Variants in ZDHHC18 observed in about 807,000 individuals in gnomAD.
The protein encoded by ZDHHC18 is palmitoyltransferase ZDHHC18.
A neutral mutation model predicts 37.5 loss-of-function variants in ZDHHC18; 23 were observed. That is an observed-to-expected ratio of 0.61 (90% CI 0.44 to 0.87). The LOEUF is 0.87. Among genes scored for constraint, ZDHHC18 ranks in the 40% least tolerant of loss-of-function variants. The probability of loss-of-function intolerance (pLI) is 0.00; values close to 1 mark genes in which losing one functional copy is unlikely to be tolerated. For synonymous variants in ZDHHC18, 185 were observed against 218.7 expected (o/e 0.85, Z 1.36); for missense variants, 406 against 525.6 (o/e 0.77, Z 2.22).
At chr1:26,852,988 G>A in intron 7 of ZDHHC18, 123 bp downstream of exon 7, 1 of 743,922 alleles carries the variant, frequency 1.3e-6, no homozygotes, top group Non-Finnish European at 2.2e-6. Context: ...ACCCCCTGGA[G>A]GGCATTTGTC....
chr1:26,851,425 A>G (rs2081703631), intron 6 of ZDHHC18, among the ~76,000 whole-genome samples, 194 bp downstream of exon 6: 1 of 151,976 alleles, frequency 6.6e-6, no homozygotes. Context: ...ACACCTCCAC[A>G]TGCTTCATTC....
chr1:26,832,607 G>A lies in ZDHHC18; in HGVS notation c.496G>A (p.Asp166Asn), dbSNP rs961056830. ...AGCAGCCGCCCTGGAGAAACAGATC[G>A]GTGAGGTTTCTACTCCCAGCTGAAG... ...CEAAALEKQI[D>N]NTGSSTYRPP... The change falls in exon 2 of 8, where the codon GAC (aspartate) becomes AAC (asparagine). Residue 166 changes from aspartate to asparagine, a missense_variant and splice_region_variant. Physicochemically the swap from Asp to Asn is conservative, Grantham distance 23. Transcript: ENST00000374142. 2.5e-6 allele frequency: 4 copies of A among 1,613,916 alleles called. No homozygotes were observed. Among genetic ancestry groups the A allele is most frequent in the Non-Finnish European group, 3.4e-6 (4 of 1,179,822 alleles).
At chr1:26,835,569 C>G (rs190878179) in intron 2 of ZDHHC18, among the ~76,000 whole-genome samples, 3 of 152,064 alleles carry the variant, frequency 2.0e-5, no homozygotes, top group Non-Finnish European at 4.4e-5. Flanking sequence ...GGCATGGTGG[C>G]GTGTGCCTGT....
chr1:26,844,080 C>T (rs957168817), intron 2 of ZDHHC18, among the ~76,000 whole-genome samples: 6 of 152,108 alleles, frequency 3.9e-5, no homozygotes, highest in Non-Finnish European at 7.4e-5. Flanking sequence ...CGCTCTGTCA[C>T]CCAGACTGGA....
chr1:26,831,200 G>A (rs1010806039), intron 1 of ZDHHC18, among the ~76,000 whole-genome samples: 2 of 152,214 alleles, frequency 1.3e-5, no homozygotes, highest in East Asian at 3.8e-4. Flanking sequence ...AGTTGTCAAG[G>A]TAGGTCCTTC....
intron 2 of ZDHHC18, among the ~76,000 whole-genome samples, chr1:26,844,108 C>A (rs2081651879): frequency 6.6e-6 from 1 of 152,104 alleles, no homozygotes; most frequent in Non-Finnish European, 1.5e-5. Flanking sequence ...GGCGTGATTT[C>A]AGCTCACTGC....
chr1:26,826,860 C>A lies in ZDHHC18; in HGVS notation c.56C>A (p.Ser19Tyr). ...ISPGAAPLPASPGARRPGPAA... is the reference protein window; with the variant it reads ...ISPGAAPLPAYPGARRPGPAA... ...CCCGGGGCCGCCCCGCTGCCCGCCT[C>A]CCCGGGGGCGCGCCGTCCCGGCCCC... is the stretch of plus-strand genomic sequence containing the variant. Residue 19 changes from serine (S) to tyrosine (Y), a missense_variant, in exon 1 of 8, where the codon TCC (serine) becomes TAC (tyrosine). Ser to Tyr is a moderately radical substitution (Grantham distance 144). Coordinates refer to ENST00000374142, the MANE Select transcript of ZDHHC18 (RefSeq NM_032283.3). This position sits in a 1 kb window ranked among gnomAD's most constrained non-coding sequence, Gnocchi z 5.2. The A allele has an allele frequency of 1.0e-6, 1 of 980,188 alleles. No individual in the cohort carries two copies. Among genetic ancestry groups the A allele is most frequent in the South Asian group, 4.5e-5 (1 of 22,092 alleles). 60.7% of individuals were successfully genotyped at this position (980,188 alleles called of 1,614,324 possible). A position where few individuals can be genotyped will look rare whatever the true frequency, so the allele number is the denominator to read the frequency against.
Position 26,856,502 on chromosome 1 carries a change from A to C in ZDHHC18, c.*2659A>C, listed in dbSNP as rs2081734984. 4.5e-6 allele frequency: 1 copy of C among 223,240 alleles called. No homozygotes were observed. Among genetic ancestry groups the C allele is most frequent in the Non-Finnish European group, 9.8e-6 (1 of 101,812 alleles). 13.8% of individuals were successfully genotyped at this position (223,240 alleles called of 1,614,324 possible). A position where few individuals can be genotyped will look rare whatever the true frequency, so the allele number is the denominator to read the frequency against. On this transcript the variant is annotated 3_prime_UTR_variant, in exon 8 of 8. Coordinates refer to ENST00000374142, the MANE Select transcript of ZDHHC18 (RefSeq NM_032283.3). The surrounding 1 kb of genome is among the most constrained non-coding windows in gnomAD (Gnocchi z 5.2). Reference sequence around the variant, plus strand: ...CTGAGGAAGTAGCTTCTCGCAGAGCAGCTCTCCAGCTGGAAGAGGAGGTGG... The same window carrying C: ...CTGAGGAAGTAGCTTCTCGCAGAGCCGCTCTCCAGCTGGAAGAGGAGGTGG...
intron 1 of ZDHHC18, among the ~76,000 whole-genome samples, chr1:26,828,541 G>A (rs900050487): frequency 5.3e-5 from 8 of 152,008 alleles, no homozygotes; most frequent in Admixed American, 5.2e-4. Context: ...CACTTCCCAA[G>A]GGCATGTGGC....
chr1:26,843,474 G>A (rs2081648544), intron 2 of ZDHHC18, among the ~76,000 whole-genome samples: 1 of 150,596 alleles, frequency 6.6e-6, no homozygotes, highest in African/African-American at 2.4e-5. Flanking sequence ...TTTTATGGAA[G>A]TATAATGGGC....
chr1:26,830,472 GTAGTACAGTAACTATCTGTAGA>G lies in ZDHHC18; in HGVS notation c.336-1957_336-1936del, dbSNP rs909425413. 9.9e-5 allele frequency among the ~76,000 whole-genome samples: 15 copies of G among 151,884 alleles called. No homozygotes were observed. In the South Asian group the frequency reaches 1.0e-3, roughly 10 times the overall value. Reference sequence around the variant, plus strand: ...CTGGTACCTGGCCCATCCAGGTACAGTAGTACAGTAACTATCTGTAGATAGTACAGTAACTATCTACATAGTA... The same window carrying G: ...CTGGTACCTGGCCCATCCAGGTACAGTAGTACAGTAACTATCTACATAGTA... On this transcript the variant is annotated intron_variant, in intron 1 of 7. Transcript: ENST00000374142.
chr1:26,851,627 G>C (rs540605822), intron 6 of ZDHHC18, among the ~76,000 whole-genome samples: 4 of 152,298 alleles, frequency 2.6e-5, no homozygotes, highest in Admixed American at 2.0e-4. Context: ...TTCCCCATTC[G>C]ATGACTGAGA....
chr1:26,834,830 C>T (rs988378692), intron 2 of ZDHHC18, among the ~76,000 whole-genome samples: 2 of 152,186 alleles, frequency 1.3e-5, no homozygotes, highest in African/African-American at 4.8e-5. Context: ...TGTGTTAATT[C>T]TATATGCTGA....
At chr1:26,846,402 C>G (rs1470943666) in intron 2 of ZDHHC18, among the ~76,000 whole-genome samples, 46 of 134,224 alleles carry the variant, frequency 3.4e-4, no homozygotes, top group African/African-American at 1.2e-3. Context: ...TCTCGGCTCA[C>G]TGCAAGCTCT....
chr1:26,830,164 C>T (rs2081581387), intron 1 of ZDHHC18, among the ~76,000 whole-genome samples: 1 of 152,212 alleles, frequency 6.6e-6, no homozygotes, highest in African/African-American at 2.4e-5. Context: ...CAGGTGTGTG[C>T]CTACTGTGCC....
chr1:26,853,558 C>T (rs1258436970), intron 7 of ZDHHC18, among the ~76,000 whole-genome samples, 168 bp from the exon 8 acceptor site: 4 of 152,244 alleles, frequency 2.6e-5, no homozygotes, highest in South Asian at 2.1e-4. Context: ...AGAGAGAGGC[C>T]TGCCAGAGGT....
At chr1:26,840,510 G>A (rs1288202078) in intron 2 of ZDHHC18, among the ~76,000 whole-genome samples, 2 of 137,312 alleles carry the variant, frequency 1.5e-5, no homozygotes, top group Non-Finnish European at 1.6e-5. Flanking sequence ...GCGCGATTTC[G>A]GATCACTTCA....
chr1:26,827,212 A>T, intron 1 of ZDHHC18, 73 bp downstream of exon 1: 1 of 1,107,638 alleles, frequency 9.0e-7, no homozygotes, highest in Non-Finnish European at 1.1e-6. Context: ...CCTGCTGGGC[A>T]CTCCGTGCCT....
At chr1:26,829,570 C>T (rs889663269) in intron 1 of ZDHHC18, among the ~76,000 whole-genome samples, 14 of 152,158 alleles carry the variant, frequency 9.2e-5, no homozygotes, top group Admixed American at 2.6e-4. Context: ...CCTCATTTAT[C>T]GCTCTCTGAA....
Sources: allele counts gnomAD v4.1 joint callset (sites outside exome capture counted in the v4.1 genomes callset), GRCh38; gene constraint gnomAD v4.1.1; non-coding constraint Gnocchi (gnomAD v3.1); transcripts MANE v1.5; gene names NCBI Gene and HGNC (gene_info 2026-07-23, HGNC 2026-07-21).